Variants in SAE1 observed in about 807,000 individuals in gnomAD.
SAE1 encodes SUMO1 activating enzyme subunit 1.
In SAE1, 11 loss-of-function variants were observed where a neutral mutation model predicts 40.6. The ratio of observed to expected loss-of-function variants is 0.27; its 90% CI spans 0.17 to 0.45. The LOEUF (loss-of-function observed/expected upper bound fraction) is 0.45, where lower values mean the gene tolerates loss of function less well. Ranked by LOEUF, SAE1 falls within the 20% of genes least tolerant of loss-of-function variation. SAE1 has a pLI of 1.00. For missense variants in SAE1, 373 were observed against 427.3 expected (o/e 0.87, Z 1.12); for synonymous variants, 155 against 154.3 (o/e 1.00, Z -0.03).
intron 1 of SAE1, among the ~76,000 whole-genome samples, chr19:47,133,076 G>T (rs1401009290): frequency 6.6e-6 from 1 of 152,142 alleles, no homozygotes; most frequent in African/African-American, 2.4e-5. Context: ...AGAACAGCAA[G>T]TGCAAATTCC....
rs143321323 is a variant in SAE1 at position 47,182,496 on chromosome 19, T to TGTGTGCGTGCGCGCGC, written c.733+12574_733+12575insTGTGCGTGCGCGCGCG. 1.8e-4 allele frequency among the ~76,000 whole-genome samples: 26 copies of TGTGTGCGTGCGCGCGC among 146,042 alleles called. 1 individual carries two copies. The South Asian group carries it at 5.3e-3, about 30-fold the overall frequency. On this transcript the variant is annotated intron_variant, in intron 6 of 8. Coordinates refer to ENST00000270225, the MANE Select transcript of SAE1 (RefSeq NM_005500.3). The stretch of plus-strand genomic sequence containing the variant: ...GTGTGTGTGTGTGTGTGTGTGTGTG[T>TGTGTGCGTGCGCGCGC]GCGCGCACGCACGCGCGCGCGCACA...
chr19:47,161,390 T>C (rs2058359184), intron 5 of SAE1, among the ~76,000 whole-genome samples: 1 of 152,154 alleles, frequency 6.6e-6, no homozygotes, highest in South Asian at 2.1e-4. Context: ...AAACAAACAC[T>C]ATCCGCCTTA....
chr19:47,148,021 A>G (rs1275764003), intron 2 of SAE1, among the ~76,000 whole-genome samples: 1 of 151,856 alleles, frequency 6.6e-6, no homozygotes. Flanking sequence ...TGGCCTCCCA[A>G]AGTGCTGGGA....
chr19:47,139,156 T>C (rs1469431109), intron 1 of SAE1, among the ~76,000 whole-genome samples: 1 of 152,120 alleles, frequency 6.6e-6, no homozygotes, highest in African/African-American at 2.4e-5. Flanking sequence ...TTCACCATAT[T>C]GGCCAGGCTG....
chr19:47,205,414 AC>A (rs2058680977), intron 8 of SAE1, among the ~76,000 whole-genome samples: 1 of 150,310 alleles, frequency 6.7e-6, no homozygotes, highest in African/African-American at 2.5e-5. Flanking sequence ...TGTAATGGGC[AC>A]CGAGGAGATA....
chr19:47,195,735 TC>T (rs374528925), intron 6 of SAE1, among the ~76,000 whole-genome samples: 24 of 121,564 alleles, frequency 2.0e-4, no homozygotes, highest in Non-Finnish European at 2.9e-4. Context: ...CTTTTTTTCT[TC>T]TTTTTTTTTT....
At chr19:47,153,644 C>T (rs529293972) in intron 4 of SAE1, among the ~76,000 whole-genome samples, 59 of 152,294 alleles carry the variant, frequency 3.9e-4, no homozygotes, top group African/African-American at 1.3e-3. Flanking sequence ...TGTTCAGCCT[C>T]TCAGGCAAGT....
chr19:47,186,200 A>T (rs1339286127), intron 6 of SAE1, among the ~76,000 whole-genome samples: 5 of 151,982 alleles, frequency 3.3e-5, no homozygotes, highest in African/African-American at 1.2e-4. Context: ...AGATCCCGCC[A>T]CTGCATTCCA....
intron 6 of SAE1, among the ~76,000 whole-genome samples, chr19:47,189,192 G>A (rs1432512130): frequency 6.6e-6 from 1 of 152,158 alleles, no homozygotes; most frequent in Non-Finnish European, 1.5e-5. Context: ...CAATTTTTCT[G>A]GAAATTTATG....
chr19:47,202,842 G>A (rs2058663184), intron 7 of SAE1, among the ~76,000 whole-genome samples: 1 of 152,020 alleles, frequency 6.6e-6, no homozygotes, highest in Non-Finnish European at 1.5e-5. Context: ...TCCGGGAGGC[G>A]GAGCTTGCAG....
chr19:47,170,365 C>T (rs923774442), intron 6 of SAE1, among the ~76,000 whole-genome samples: 1 of 151,892 alleles, frequency 6.6e-6, no homozygotes. Flanking sequence ...CAGGCATGCA[C>T]CACTGCGCCC....
At position 47,143,609 on chromosome 19, in the gene SAE1, C is replaced by T. The variant is rs771547852; in HGVS notation, c.210+4C>T. Reference sequence around the variant, plus strand: ...GACCATGCTGGATCACGAACAGGTGCGCTGTTGTGAGCTCATTCCTCCCCT... The same window carrying T: ...GACCATGCTGGATCACGAACAGGTGTGCTGTTGTGAGCTCATTCCTCCCCT... On this transcript the variant is annotated splice_donor_region_variant and intron_variant, in intron 2 of 8. Transcript: ENST00000270225. 1.0e-4 allele frequency: 165 copies of T among 1,604,532 alleles called. No individual in the cohort carries two copies. Among genetic ancestry groups the T allele is most frequent in the Admixed American group, 3.3e-5 (2 of 59,926 alleles).
At chr19:47,208,741 T>C (rs1466726711) in intron 8 of SAE1, among the ~76,000 whole-genome samples, 3 of 151,808 alleles carry the variant, frequency 2.0e-5, no homozygotes, top group African/African-American at 7.3e-5. Context: ...AGTTTTCATA[T>C]AGACGGGATC....
intron 6 of SAE1, among the ~76,000 whole-genome samples, chr19:47,182,464 A>AGTGTGTGTGTGTGTGTGT (rs113149127): frequency 8.3e-5 from 12 of 144,456 alleles, no homozygotes; most frequent in East Asian, 4.3e-4. Flanking sequence ...AAAAAAGCGT[A>AGTGTGTGTGTGTGTGTGT]GTGTGTGTGT....
intron 7 of SAE1, among the ~76,000 whole-genome samples, chr19:47,201,205 C>T (rs1415686295): frequency 1.3e-5 from 2 of 151,574 alleles, no homozygotes; most frequent in African/African-American, 2.4e-5. Context: ...CGTGCCACCA[C>T]GCCCGGCTAA....
intron 1 of SAE1, among the ~76,000 whole-genome samples, chr19:47,137,254 G>C (rs1480173830): frequency 1.3e-5 from 2 of 152,044 alleles, no homozygotes; most frequent in African/African-American, 2.4e-5. Context: ...CAGGTGTGGT[G>C]GTGGGTGCTT....
chr19:47,154,988 G>A (rs1163558553), intron 4 of SAE1, 126 bp from the exon 5 acceptor site: 6 of 664,878 alleles, frequency 9.0e-6, no homozygotes, highest in East Asian at 5.1e-5. Context: ...GATTTGAACC[G>A]AGATCTGACT....
At chr19:47,204,187 CTTTTTTTTTTTTTTT>C (rs57736880) in intron 8 of SAE1, among the ~76,000 whole-genome samples, 4 of 82,100 alleles carry the variant, frequency 4.9e-5, no homozygotes, top group Admixed American at 1.6e-4. Flanking sequence ...AAAGCCCTCC[CTTTTTTTTTTTTTTT>C]TTTTTTTTTT....
chr19:47,200,132 G>T (rs1169831343), intron 7 of SAE1, among the ~76,000 whole-genome samples: 2 of 151,104 alleles, frequency 1.3e-5, no homozygotes, highest in African/African-American at 4.9e-5. Flanking sequence ...ATGTGGTTTC[G>T]CTGTGTTAGC....
Sources: gnomAD v4.1 joint callset for allele counts (sites outside exome capture counted in the v4.1 genomes callset) on GRCh38, gnomAD v4.1.1 for gene constraint, MANE v1.5 for transcripts, NCBI Gene and HGNC (gene_info 2026-07-23, HGNC 2026-07-21) for gene names.